The following GARRE1 variants were observed in gnomAD, a reference collection of about 807,000 sequenced individuals.
The protein encoded by GARRE1 is granule associated Rac and RHOG effector protein 1.
GARRE1 carries 49 observed loss-of-function variants against 103.2 expected under a neutral mutation model. The observed-to-expected ratio is 0.47, with a 90% confidence interval of 0.38 to 0.60. The LOEUF (loss-of-function observed/expected upper bound fraction) is 0.60, where lower values mean the gene tolerates loss of function less well. GARRE1 is among the 20% of genes least tolerant of loss of function. The pLI is 0.00. For synonymous variants in GARRE1, 505 were observed against 532.8 expected (o/e 0.95, Z 0.72); for missense variants, 1,199 against 1,370.5 (o/e 0.87, Z 1.98).
In GARRE1 at chr19:34,258,972, G is replaced by A. The variant is rs566044751; in HGVS notation, c.-796+4358G>A. ...CCCAGAAGTTTGGGAGGCCAAGGTGGGAGGATTGCTTGAGATCAGCCTAGG... is the reference window on the plus strand; with the variant it reads ...CCCAGAAGTTTGGGAGGCCAAGGTGAGAGGATTGCTTGAGATCAGCCTAGG... On this transcript the variant is annotated intron_variant, in intron 1 of 13. Transcript: ENST00000299505. 2.0e-4 allele frequency among the ~76,000 whole-genome samples: 31 copies of A among 152,180 alleles called. No homozygotes were observed. The South Asian group carries it at 6.2e-3, about 31-fold the overall frequency.
rs1470972814 is a variant in GARRE1, at chr19:34,355,021, A to G, written c.*2066A>G. 2.6e-5 allele frequency: 4 copies of G among 152,626 alleles called. No homozygotes were observed. Among genetic ancestry groups the G allele is most frequent in the Non-Finnish European group, 4.4e-5 (3 of 68,054 alleles). The allele number at this position is 152,626 out of a possible 1,614,324, so 9.5% of individuals were successfully genotyped here. ...ACACTAATCTCTGTTAAAGTTGTCT[A>G]TGGCTGTTCTACTTGTAAGATAGTT... On this transcript the variant is annotated 3_prime_UTR_variant, in exon 14 of 14. Coordinates refer to ENST00000299505, the MANE Select transcript of GARRE1 (RefSeq NM_014686.5).
intron 2 of GARRE1, among the ~76,000 whole-genome samples, chr19:34,302,317 C>T (rs1239663318): frequency 5.0e-5 from 4 of 80,794 alleles, no homozygotes; most frequent in South Asian, 8.5e-4. Flanking sequence ...TTTTTTGAGA[C>T]GGAGTCTCAC....
intron 1 of GARRE1, among the ~76,000 whole-genome samples, chr19:34,257,114 A>G (rs144871987): frequency 1.0e-3 from 156 of 152,202 alleles, no homozygotes; most frequent in Non-Finnish European, 1.2e-3. Flanking sequence ...AGATTTTTCA[A>G]TCTAAAATTA....
chr19:34,348,985 C>T (rs775742658), intron 11 of GARRE1, 31 bp from the exon 12 acceptor site: 53 of 1,605,594 alleles, frequency 3.3e-5, no homozygotes, highest in Non-Finnish European at 4.3e-5. Flanking sequence ...CTGCAGGAGG[C>T]CCTGGCCCAG....
intron 3 of GARRE1, among the ~76,000 whole-genome samples, chr19:34,326,102 C>A (rs77120092): frequency 1.3e-5 from 2 of 152,238 alleles, no homozygotes; most frequent in Non-Finnish European, 2.9e-5. Flanking sequence ...CAGCACGTAC[C>A]TAACATACCA....
At chr19:34,304,046 A>G (rs886787869) in intron 2 of GARRE1, among the ~76,000 whole-genome samples, 2 of 151,614 alleles carry the variant, frequency 1.3e-5, no homozygotes, top group African/African-American at 2.4e-5. Flanking sequence ...GTATAAGTGT[A>G]TAGTCACTTC....
intron 1 of GARRE1, among the ~76,000 whole-genome samples, chr19:34,287,314 C>T (rs1037656557): frequency 6.6e-6 from 1 of 152,044 alleles, no homozygotes; most frequent in Non-Finnish European, 1.5e-5. Context: ...CTGGCTGCTA[C>T]TAGGTTTTTT....
intron 1 of GARRE1, among the ~76,000 whole-genome samples, chr19:34,275,574 G>A (rs916893849): frequency 6.6e-6 from 1 of 152,148 alleles, no homozygotes; most frequent in Non-Finnish European, 1.5e-5. Flanking sequence ...TTTCATGGCT[G>A]AATAATATTC....
intron 1 of GARRE1, among the ~76,000 whole-genome samples, chr19:34,264,067 TC>T: frequency 6.6e-6 from 1 of 152,260 alleles, no homozygotes; most frequent in South Asian, 2.1e-4. Flanking sequence ...TGTTGCTCTG[TC>T]CCTGTGCTAT....
rs574493158 is a variant in GARRE1 at position 34,296,186 on chromosome 19, A to G, written c.-795-3493A>G. 3 of 418,246 alleles carry G rather than the reference A, an allele frequency of 7.2e-6. No individual in the cohort carries two copies. In the South Asian group the frequency reaches 2.5e-4, roughly 35 times the overall value. 25.9% of individuals were successfully genotyped at this position (418,246 alleles called of 1,614,324 possible). ...TTTCTTGCGTCAGTTTGTTTGTACA[A>G]ATAGCACAGGAGGATCCCCGCCCCA... On this transcript the variant is annotated intron_variant, in intron 1 of 13. Coordinates refer to ENST00000299505, the MANE Select transcript of GARRE1 (RefSeq NM_014686.5).
intron 1 of GARRE1, among the ~76,000 whole-genome samples, chr19:34,270,445 C>T (rs553899274): frequency 6.6e-6 from 1 of 152,240 alleles, no homozygotes; most frequent in African/African-American, 2.4e-5. Context: ...GGCCCTGTGG[C>T]CTCTGCAGCT....
intron 1 of GARRE1, among the ~76,000 whole-genome samples, chr19:34,257,252 A>T (rs1470612753): frequency 6.6e-6 from 1 of 152,000 alleles, no homozygotes; most frequent in East Asian, 1.9e-4. Context: ...ATACATCAGG[A>T]TCCATGTGTC....
chr19:34,279,714 G>T (rs1025053348), intron 1 of GARRE1, among the ~76,000 whole-genome samples: 4 of 152,162 alleles, frequency 2.6e-5, no homozygotes, highest in Admixed American at 1.3e-4. Context: ...GGCCGGGCGC[G>T]GTGGCTCACG....
chr19:34,254,649 T>G (rs1354822327), intron 1 of GARRE1, 35 bp downstream of exon 1: 2 of 41,226 alleles, frequency 4.9e-5, no homozygotes, highest in Non-Finnish European at 1.1e-4. Context: ...AGGCGGGGGC[T>G]GGCGGGCGGG....
Position 34,353,132 on chromosome 19 carries a change from G to T in GARRE1, c.*177G>T. On this transcript the variant is annotated 3_prime_UTR_variant, in exon 14 of 14. Coordinates refer to ENST00000299505, the MANE Select transcript of GARRE1 (RefSeq NM_014686.5). ...TGGCAGCTCCAAGCCTTTAAACCTG[G>T]CTTCTGAAACGATGGCATCAGAGCC... 1.7e-6 allele frequency: 1 copy of T among 602,144 alleles called. No individual in the cohort carries two copies. The highest frequency in any genetic ancestry group is 3.1e-5 in the Admixed American group (1 of 32,524). The allele number at this position is 602,144 out of a possible 1,614,324, so 37.3% of individuals were successfully genotyped here. A position where few individuals can be genotyped will look rare whatever the true frequency, so the allele number is the denominator to read the frequency against.
intron 2 of GARRE1, among the ~76,000 whole-genome samples, chr19:34,306,878 A>G (rs2074009603): frequency 6.6e-6 from 1 of 152,062 alleles, no homozygotes; most frequent in Non-Finnish European, 1.5e-5. Flanking sequence ...CATGACAGAA[A>G]TCTCTCCCTT....
chr19:34,331,207 AAAAAG>A (rs1419265137), intron 7 of GARRE1, among the ~76,000 whole-genome samples: 5 of 151,166 alleles, frequency 3.3e-5, no homozygotes, highest in Admixed American at 6.7e-5. Context: ...CCCTTAAAAA[AAAAAG>A]AAAAAAACAT....
At chr19:34,267,588 A>G (rs2073760183) in intron 1 of GARRE1, among the ~76,000 whole-genome samples, 1 of 152,176 alleles carries the variant, frequency 6.6e-6, no homozygotes, top group Non-Finnish European at 1.5e-5. Context: ...TCTAATGGAC[A>G]CAATTAGTTT....
At chr19:34,343,436 CAAAA>C (rs200547256) in intron 10 of GARRE1, among the ~76,000 whole-genome samples, 1 of 150,846 alleles carries the variant, frequency 6.6e-6, no homozygotes, top group Admixed American at 6.6e-5. Flanking sequence ...AACCCTGTCT[CAAAA>C]AAAAGCCACT....
Sources: gnomAD v4.1 joint callset for allele counts (sites outside exome capture counted in the v4.1 genomes callset) on GRCh38, gnomAD v4.1.1 for gene constraint, MANE v1.5 for transcripts, NCBI Gene and HGNC (gene_info 2026-07-23, HGNC 2026-07-21) for gene names.